TRANK1: variants seen among roughly 807,000 people sequenced by gnomAD.
The protein encoded by TRANK1 is TPR and ankyrin repeat-containing protein 1.
In TRANK1, 198 loss-of-function variants were observed where a neutral mutation model predicts 266.0. The observed-to-expected ratio is 0.74, with a 90% CI of 0.66 to 0.84. TRANK1 has a LOEUF of 0.84. Ranked by LOEUF, TRANK1 falls within the 40% of genes least tolerant of loss-of-function variation. The pLI, the probability that TRANK1 is intolerant of heterozygous loss-of-function variation, is 0.00. For missense variants in TRANK1, 3,326 were observed against 3,634.6 expected (o/e 0.92, Z 2.18); for synonymous variants, 1,396 against 1,384.1 (o/e 1.01, Z -0.19).
intron 3 of TRANK1, among the ~76,000 whole-genome samples, chr3:36,902,923 T>G (rs2079905115): frequency 6.6e-6 from 1 of 152,216 alleles, no homozygotes; most frequent in Admixed American, 6.5e-5. Flanking sequence ...CAGATAATGA[T>G]CACATGCCCC....
At chr3:36,835,046 GT>G in intron 20 of TRANK1, 139 bp from the exon 21 acceptor site, 2 of 931,480 alleles carry the variant, frequency 2.1e-6, no homozygotes, top group Non-Finnish European at 3.0e-6. Context: ...TAGGCCGGGC[GT>G]GGTGGCTCAC....
In TRANK1 at chr3:36,858,712, G is replaced by C. The variant is rs2079092652; in HGVS notation, c.1672+6C>G. 6.6e-7 allele frequency: 1 copy of C among 1,504,316 alleles called. No individual in the cohort carries two copies. The highest frequency in any genetic ancestry group is 8.9e-7 in the Non-Finnish European group (1 of 1,129,578). The allele number at this position is 1,504,316 out of a possible 1,614,324, so 93.2% of individuals were successfully genotyped here. On this transcript the variant is annotated splice_donor_region_variant and intron_variant, in intron 12 of 23. Transcript: ENST00000645898. ...GGAGACGGCTGCTTAAAAAACAAGGGCTTACCTTTAATCTCTAGAAAGATG... is the reference window on the plus strand; with the variant it reads ...GGAGACGGCTGCTTAAAAAACAAGGCCTTACCTTTAATCTCTAGAAAGATG...
chr3:36,856,270 T>C lies in TRANK1; in HGVS notation c.3452A>G (p.Glu1151Gly). The change falls in exon 13 of 24, where the codon GAA becomes GGA. Residue 1151 changes from glutamate (E) to glycine (G), a missense_variant. By Grantham distance (98) the Glu-to-Gly change is moderately conservative. Transcript: ENST00000645898. Reference sequence around the variant, plus strand: ...TTCATACTCCTGCTCATCTATGCTTTCTACTGTTTCCACTTCAATAGAATC... The same window carrying C: ...TTCATACTCCTGCTCATCTATGCTTCCTACTGTTTCCACTTCAATAGAATC... The part of the protein sequence containing the change: ...EEDSIEVETV[E>G]SIDEQEYEAC... 6.2e-7 allele frequency: 1 copy of C among 1,605,408 alleles called. No homozygotes were observed. Among genetic ancestry groups the C allele is most frequent in the Non-Finnish European group, 8.5e-7 (1 of 1,175,436 alleles).
chr3:36,852,046 A>T (rs1032446202), intron 14 of TRANK1, 100 bp downstream of exon 14: 2 of 1,385,518 alleles, frequency 1.4e-6, no homozygotes, highest in African/African-American at 2.9e-5. Context: ...TGGGACAGGG[A>T]CTATTTTTAA....
chr3:36,898,719 C>A (rs1418271202), intron 4 of TRANK1, among the ~76,000 whole-genome samples: 1 of 151,400 alleles, frequency 6.6e-6, no homozygotes, highest in Non-Finnish European at 1.5e-5. Flanking sequence ...GGTGTGGTGG[C>A]GTGTGCCTGT....
At chr3:36,936,617 T>A (rs114591221) in intron 1 of TRANK1, among the ~76,000 whole-genome samples, 1,671 of 152,110 alleles carry the variant, frequency 0.011, 26 homozygotes, top group African/African-American at 0.035. Context: ...AGGAGGAACA[T>A]TTTAACTCCA....
Position 36,921,192 on chromosome 3 carries a change from G to T in TRANK1, c.24-12738C>A, listed in dbSNP as rs1466537574. 2.0e-5 allele frequency among the ~76,000 whole-genome samples: 3 copies of T among 151,974 alleles called. No individual in the cohort carries two copies. The East Asian group carries it at 5.8e-4, about 29-fold the overall frequency. ...CCCCACCACTCTGGCTCATACTCCTGCTCTCTTTAAAATAGCCAATTGGAA... is the reference window on the plus strand; with the variant it reads ...CCCCACCACTCTGGCTCATACTCCTTCTCTCTTTAAAATAGCCAATTGGAA... On this transcript the variant is annotated intron_variant, in intron 1 of 23. Transcript: ENST00000645898.
chr3:36,842,961 G>T (rs1471058027), intron 17 of TRANK1, among the ~76,000 whole-genome samples: 1 of 152,112 alleles, frequency 6.6e-6, no homozygotes, highest in Non-Finnish European at 1.5e-5. Flanking sequence ...ATTAGAACAC[G>T]GGGCGACCCC....
At chr3:36,846,110 A>AC in intron 17 of TRANK1, 138 bp downstream of exon 17, 1 of 995,724 alleles carries the variant, frequency 1.0e-6, no homozygotes, top group Non-Finnish European at 1.4e-6. Context: ...CAAATGTGTA[A>AC]CAACTTCCAT....
At chr3:36,939,066 G>T (rs1293582955) in intron 1 of TRANK1, among the ~76,000 whole-genome samples, 1 of 152,056 alleles carries the variant, frequency 6.6e-6, no homozygotes, top group Non-Finnish European at 1.5e-5. Context: ...GAACCCAGGA[G>T]GTGGAGGATG....
chr3:36,832,494 T>C lies in TRANK1; in HGVS notation c.7089A>G (p.Lys2363=), dbSNP rs766774662. Residue 2363 remains lysine, a synonymous_variant, in exon 22 of 24, where the codon AAA becomes AAG. Coordinates refer to ENST00000645898, the MANE Select transcript of TRANK1 (RefSeq NM_001329998.2). ...TTTCATCCTTTTCAGACTCTAGAGC[T>C]TTGAGTTCCCTGTTGTAGTTGTCCT... ...QEEDNYNREL[K]ALESEKDERG... The C allele has an allele frequency of 3.1e-6, 5 of 1,613,944 alleles. No individual in the cohort carries two copies. Among genetic ancestry groups the C allele is most frequent in the Non-Finnish European group, 3.4e-6 (4 of 1,179,882 alleles).
chr3:36,907,459 ATTTTTTT>A (rs1212991729), intron 2 of TRANK1, among the ~76,000 whole-genome samples: 4 of 104,350 alleles, frequency 3.8e-5, no homozygotes, highest in African/African-American at 1.6e-4. Context: ...AAATTTATTG[ATTTTTTT>A]TTTTTTTTTT....
At chr3:36,923,181 C>T (rs577628946) in intron 1 of TRANK1, among the ~76,000 whole-genome samples, 6 of 152,252 alleles carry the variant, frequency 3.9e-5, no homozygotes, top group East Asian at 1.9e-4. Context: ...TGATTCTGAC[C>T]GTTGCCCTCT....
At chr3:36,888,090 C>A (rs1197856815) in intron 8 of TRANK1, among the ~76,000 whole-genome samples, 1 of 152,154 alleles carries the variant, frequency 6.6e-6, no homozygotes, top group African/African-American at 2.4e-5. Flanking sequence ...GTGGAAACAA[C>A]CCAAACGCCC....
chr3:36,906,210 C>T (rs2079965149), intron 2 of TRANK1, among the ~76,000 whole-genome samples: 1 of 152,210 alleles, frequency 6.6e-6, no homozygotes, highest in Non-Finnish European at 1.5e-5. Flanking sequence ...ACACTCAACT[C>T]AACCTCAACT....
chr3:36,828,145 A>C lies in TRANK1; in HGVS notation c.*130T>G, dbSNP rs1367461582. The stretch of plus-strand genomic sequence containing the variant: ...AAGAGAAGTAATGAGAATAAAAAGC[A>C]ATGGTGTTGTTAGACTCCCCTATTT... On this transcript the variant is annotated 3_prime_UTR_variant, in exon 24 of 24. Transcript: ENST00000645898. The C allele has an allele frequency of 4.5e-6, 3 of 664,454 alleles. No individual in the cohort carries two copies. In the East Asian group the frequency reaches 8.2e-5, roughly 18 times the overall value. The allele number at this position is 664,454 out of a possible 1,614,324, so 41.2% of individuals were successfully genotyped here.
At chr3:36,890,567 C>A (rs1372348316) in intron 7 of TRANK1, among the ~76,000 whole-genome samples, 1 of 152,176 alleles carries the variant, frequency 6.6e-6, no homozygotes, top group Non-Finnish European at 1.5e-5. Flanking sequence ...TAGCAGCTAA[C>A]ATTGACAACA....
At chr3:36,846,105 G>A in intron 17 of TRANK1, 143 bp downstream of exon 17, 1 of 931,524 alleles carries the variant, frequency 1.1e-6, no homozygotes, top group Admixed American at 2.9e-5. Flanking sequence ...CTTGGCAAAT[G>A]TGTAACAACT....
rs138198488 is a variant in TRANK1, at chr3:36,900,851, CAAAAAAA to C, written c.283-1599_283-1593del. 2.4e-3 allele frequency among the ~76,000 whole-genome samples: 154 copies of C among 63,018 alleles called. 2 individuals carry two copies. Among genetic ancestry groups the C allele is most frequent in the Middle Eastern group, 0.018 (2 of 114 alleles). 41.3% of individuals were successfully genotyped at this position (63,018 alleles called of 152,430 possible). A position where few individuals can be genotyped will look rare whatever the true frequency, so the allele number is the denominator to read the frequency against. On this transcript the variant is annotated intron_variant, in intron 3 of 23. Transcript: ENST00000645898. ...TGGGTGACAAAGCAAGACCCTGTCTCAAAAAAAAAAAAAAAAAAAAAAAAAGATAACA... is the reference window on the plus strand; with the variant it reads ...TGGGTGACAAAGCAAGACCCTGTCTCAAAAAAAAAAAAAAAAAAGATAACA...
Sources: gnomAD v4.1 joint callset for allele counts (sites outside exome capture counted in the v4.1 genomes callset) on GRCh38, gnomAD v4.1.1 for gene constraint, MANE v1.5 for transcripts, NCBI Gene and HGNC (gene_info 2026-07-23, HGNC 2026-07-21) for gene names.